Variants in SMARCA4 observed in about 807,000 individuals in gnomAD.
SMARCA4 encodes the protein SWI/SNF related BAF chromatin remodeling complex subunit ATPase 4, also known as SWI/SNF-related matrix-associated actin-dependent regulator of chromatin subfamily A member 4.
SMARCA4 carries 31 observed loss-of-function variants against 193.9 expected under a neutral mutation model. The ratio of observed to expected loss-of-function variants is 0.16; its 90% CI spans 0.12 to 0.22. SMARCA4 has a LOEUF of 0.22. SMARCA4 is among the 10% of genes least tolerant of loss of function. The pLI, the probability that SMARCA4 is intolerant of heterozygous loss-of-function variation, is 1.00. For synonymous variants in SMARCA4, 942 were observed against 933.1 expected, an observed-to-expected ratio of 1.01 and a Z score of -0.17; for missense variants, 1,148 against 2,296.0, an observed-to-expected ratio of 0.50 and a Z score of 10.22.
chr19:11,042,005 C>T (rs987144245), intron 30 of SMARCA4, among the ~76,000 whole-genome samples: 3 of 152,302 alleles, frequency 2.0e-5, no homozygotes, highest in Middle Eastern at 3.4e-3. Flanking sequence ...GGACAAGAGG[C>T]TGGCATGTCT....
At chr19:10,967,553 G>A (rs1158399964) in intron 1 of SMARCA4, among the ~76,000 whole-genome samples, 2 of 151,584 alleles carry the variant, frequency 1.3e-5, no homozygotes, top group South Asian at 2.1e-4. Context: ...CTCGTTATCC[G>A]TCTGCCTCAG....
In SMARCA4 at chr19:10,987,783, T is replaced by C. The variant is rs2145818104; in HGVS notation, c.977T>C (p.Met326Thr). Residue 326 changes from methionine (M) to threonine (T), a missense_variant, in exon 6 of 35, where the codon ATG (methionine) becomes ACG (threonine). Coordinates refer to ENST00000344626, the MANE Select transcript of SMARCA4 (RefSeq NM_003072.5). The surrounding 1 kb of genome is among the most constrained non-coding windows in gnomAD (Gnocchi z 5.3). ...PAVPPAASPV[M>T]PPQTQSPGQP... ...GTCCCACCCGCCGCCTCGCCCGTGA[T>C]GCCACCGCAGACCCAGTCCCCCGGG... The C allele has an allele frequency of 1.2e-6, 2 of 1,601,000 alleles. No individual in the cohort carries two copies. Among genetic ancestry groups the C allele is most frequent in the Non-Finnish European group, 1.7e-6 (2 of 1,174,544 alleles).
chr19:11,004,909 G>A (rs1338520543), intron 13 of SMARCA4, among the ~76,000 whole-genome samples: 4 of 150,826 alleles, frequency 2.7e-5, no homozygotes, highest in African/African-American at 7.3e-5. Context: ...GAGCAATCTC[G>A]GCTCACTGCA....
At chr19:10,974,973 C>T (rs1277863667) in intron 1 of SMARCA4, among the ~76,000 whole-genome samples, 2 of 148,322 alleles carry the variant, frequency 1.3e-5, no homozygotes, top group African/African-American at 5.0e-5. Flanking sequence ...GCTGGGATTA[C>T]AGCTGTGAGA....
chr19:11,010,009 AG>A (rs1297812635), intron 14 of SMARCA4, among the ~76,000 whole-genome samples: 1 of 151,954 alleles, frequency 6.6e-6, no homozygotes, highest in African/African-American at 2.4e-5. Context: ...TTTTTGTAGT[AG>A]AGATGGGGTT....
chr19:10,994,147 C>T (rs1183776655), intron 8 of SMARCA4, among the ~76,000 whole-genome samples: 1 of 151,602 alleles, frequency 6.6e-6, no homozygotes, highest in Non-Finnish European at 1.5e-5. Flanking sequence ...TCAAGCGATT[C>T]CCCTGCTTTG....
rs1025535104 is a variant in SMARCA4, at chr19:11,016,805, G to A, written c.2439-2152G>A. ...AGTTGGCTCTTCTGTCCTTTGACACGCCCCCAGCATCGGGTGAATTTTGAG... is the reference window on the plus strand; with the variant it reads ...AGTTGGCTCTTCTGTCCTTTGACACACCCCCAGCATCGGGTGAATTTTGAG... On this transcript the variant is annotated intron_variant, in intron 16 of 34. Transcript: ENST00000344626. Among the ~76,000 whole-genome samples, 4 of 152,066 alleles carry A rather than the reference G, an allele frequency of 2.6e-5. No individual in the cohort carries two copies. In the South Asian group the frequency reaches 6.2e-4, roughly 24 times the overall value.
chr19:11,041,957 G>T lies in SMARCA4; in HGVS notation c.4424+397G>T, dbSNP rs1268388275. Among the ~76,000 whole-genome samples the T allele has an allele frequency of 3.9e-5, 6 of 152,200 alleles. No homozygotes were observed. Among genetic ancestry groups the T allele is most frequent in the African/African-American group, 1.4e-4 (6 of 41,448 alleles). On this transcript the variant is annotated intron_variant, in intron 30 of 34. Coordinates refer to ENST00000344626, the MANE Select transcript of SMARCA4 (RefSeq NM_003072.5). This position sits in a 1 kb window ranked among gnomAD's most constrained non-coding sequence, Gnocchi z 5.6. ...GATGAGGTGGGATGAGGGGTTATAT[G>T]GCAGTAATGGGTGCTGCCCGTGTGG...
chr19:11,007,011 C>T (rs2088282732), intron 13 of SMARCA4, among the ~76,000 whole-genome samples: 1 of 152,056 alleles, frequency 6.6e-6, no homozygotes, highest in South Asian at 2.1e-4. Context: ...CGCTTAAGTC[C>T]AGTGGGTGGA....
In SMARCA4 at chr19:11,058,980, T is replaced by C. The variant is rs750264661; in HGVS notation, c.4635+91T>C. On this transcript the variant is annotated intron_variant, in intron 32 of 34. Transcript: ENST00000344626. The surrounding 1 kb of genome is among the most constrained non-coding windows in gnomAD (Gnocchi z 5.8). ...CTCCTTCCCTTCTGAATTGATGGGT[T>C]AAAAACAAGTCCCGCTAGCTGTGGT... The C allele has an allele frequency of 2.0e-6, 2 of 1,004,346 alleles. No homozygotes were observed. Among genetic ancestry groups the C allele is most frequent in the African/African-American group, 3.2e-5 (2 of 63,018 alleles). The allele number at this position is 1,004,346 out of a possible 1,614,324, so 62.2% of individuals were successfully genotyped here.
chr19:10,996,560 T>C lies in SMARCA4; in HGVS notation c.1812+16T>C. ...GGATGGCGAGGTGAGGAAGCAGGGT[T>C]TCTTGTGGAAGTATCAAGCTAGCCC... On this transcript the variant is annotated intron_variant, in intron 11 of 34. Transcript: ENST00000344626. 1 of 1,613,388 alleles carries C rather than the reference T, an allele frequency of 6.2e-7. No individual in the cohort carries two copies.
chr19:11,013,874 G>T (rs2089100481), intron 16 of SMARCA4, among the ~76,000 whole-genome samples: 1 of 152,052 alleles, frequency 6.6e-6, no homozygotes. Flanking sequence ...ACTTGCCACT[G>T]CCTGGCTCCA....
intron 34 of SMARCA4, among the ~76,000 whole-genome samples, chr19:11,061,204 A>AAAAAAAAAATAT (rs1555797070): frequency 1.1e-4 from 5 of 45,216 alleles, no homozygotes; most frequent in African/African-American, 5.6e-4. Context: ...AAAAAAAAAA[A>AAAAAAAAAATAT]ATATATATAT....
chr19:11,056,708 C>T (rs2076566151), intron 30 of SMARCA4, among the ~76,000 whole-genome samples: 1 of 152,170 alleles, frequency 6.6e-6, no homozygotes, highest in South Asian at 2.1e-4. Flanking sequence ...ACGTCTGCAT[C>T]TCAGGAGGCT....
chr19:11,059,601 G>T, intron 32 of SMARCA4, 152 bp from the exon 33 acceptor site: 1 of 794,548 alleles, frequency 1.3e-6, no homozygotes, highest in Non-Finnish European at 2.1e-6. Context: ...TCCACCCTGG[G>T]TGGGCTGAAG....
intron 16 of SMARCA4, 113 bp downstream of exon 16, chr19:11,013,225 T>A: frequency 7.9e-7 from 1 of 1,265,716 alleles, no homozygotes; most frequent in Non-Finnish European, 1.1e-6. Flanking sequence ...TACAGAAATT[T>A]GTTTTCCTGG....
intron 30 of SMARCA4, among the ~76,000 whole-genome samples, chr19:11,057,054 T>C (rs1050708816): frequency 9.2e-5 from 14 of 152,206 alleles, no homozygotes; most frequent in African/African-American, 2.4e-4. Context: ...GCTGGAGTTA[T>C]CAGGACCCAA....
intron 8 of SMARCA4, among the ~76,000 whole-genome samples, chr19:10,992,397 G>A (rs952642212): frequency 1.1e-4 from 17 of 149,932 alleles, no homozygotes; most frequent in African/African-American, 3.2e-4. Flanking sequence ...GATGGCAGGC[G>A]TAATCCCCCG....
rs142255170 is a variant in SMARCA4 at position 10,971,722 on chromosome 19, C to T, written c.-32+10548C>T. On this transcript the variant is annotated intron_variant, in intron 1 of 34. Transcript: ENST00000344626. ...GCCTCAAGTGATCGACCTGCCTCAA[C>T]CTCCCAAAGTGCTGGAATTACAGGC... is the stretch of plus-strand genomic sequence containing the variant. Among the ~76,000 whole-genome samples the T allele has an allele frequency of 1.0e-3, 156 of 152,070 alleles. 1 individual carries two copies. The highest frequency in any genetic ancestry group is 3.5e-3 in the African/African-American group (147 of 41,480).
Sources: gnomAD v4.1 joint callset for allele counts (sites outside exome capture counted in the v4.1 genomes callset) on GRCh38, gnomAD v4.1.1 for gene constraint, Gnocchi (gnomAD v3.1) non-coding constraint, MANE v1.5 for transcripts, NCBI Gene and HGNC (gene_info 2026-07-23, HGNC 2026-07-21) for gene names.